The following SCN10A variants were observed in gnomAD, a reference collection of about 807,000 sequenced individuals.
SCN10A encodes sodium voltage-gated channel alpha subunit 10.
SCN10A carries 162 observed loss-of-function variants against 170.7 expected under a neutral mutation model. The observed-to-expected ratio is 0.95, with a 90% CI of 0.84 to 1.08. The LOEUF (loss-of-function observed/expected upper bound fraction) is 1.08. SCN10A is among the 50% of genes least tolerant of loss of function. The probability of loss-of-function intolerance (pLI) is 0.00; values close to 1 mark genes in which losing one functional copy is unlikely to be tolerated. For missense variants in SCN10A, 2,527 were observed against 2,436.9 expected, an observed-to-expected ratio of 1.04 and a Z score of -0.78; for synonymous variants, 985 against 904.6, an observed-to-expected ratio of 1.09 and a Z score of -1.59.
rs151153639 is a variant in SCN10A at position 38,755,796 on chromosome 3, G to A, written c.1453C>T (p.Arg485Cys). ...AAACCTGAGCCTCTTACCATCCTGC[G>A]CTGGTTGTAAGGATCAGAGCGGGGT... is the stretch of plus-strand genomic sequence containing the variant. ...KSPRSDPYNQ[R>C]RMSFLGLASG... The change falls in exon 11 of 28, where the codon CGC (arginine) becomes TGC (cysteine). Residue 485 changes from arginine (R) to cysteine (C), a missense_variant. Arg to Cys is a radical substitution (Grantham distance 180). Transcript: ENST00000449082. 567 of 1,613,580 alleles carry A rather than the reference G, an allele frequency of 3.5e-4. 3 individuals are homozygous for A. In the African/African-American group the frequency reaches 7.0e-3, roughly 20 times the overall value.
rs139073590 is a variant in SCN10A, at chr3:38,712,197, A to G, written c.4053T>C (p.Asp1351=). ...FFWVNVKVNF[D]NVAMGYLALL... is the part of the protein sequence containing the mutation. ...GTGCAAGGTAACCCATTGCAACATTATCAAAGTTGACTTTCACATTGACCC... is the reference window on the plus strand; with the variant it reads ...GTGCAAGGTAACCCATTGCAACATTGTCAAAGTTGACTTTCACATTGACCC... Residue 1351 remains aspartate (D), a synonymous_variant, in exon 23 of 28, where the codon GAT becomes GAC. Coordinates refer to ENST00000449082, the MANE Select transcript of SCN10A (RefSeq NM_006514.4). 87 of 1,614,228 alleles carry G rather than the reference A, an allele frequency of 5.4e-5. No homozygotes were observed. In the African/African-American group the frequency reaches 9.5e-4, roughly 18 times the overall value.
chr3:38,739,660 A>G lies in SCN10A; in HGVS notation c.2135T>C (p.Met712Thr), dbSNP rs759342224. Reference sequence around the variant, plus strand: ...GTCGAAGGCAATGATTTTGAAGACCATTTCAGCAGTAAAAAATATGGTAAA... The same window carrying G: ...GTCGAAGGCAATGATTTTGAAGACCGTTTCAGCAGTAAAAAATATGGTAAA... Reference protein sequence around the residue: ...IVFTIFFTAEMVFKIIAFDPY... With the variant: ...IVFTIFFTAETVFKIIAFDPY... Residue 712 changes from methionine (M) to threonine (T), a missense_variant, in exon 15 of 28, where the codon ATG (methionine) becomes ACG (threonine). Physicochemically the swap from Met to Thr is moderately conservative, Grantham distance 81. Transcript: ENST00000449082. 2 of 1,614,156 alleles carry G rather than the reference A, an allele frequency of 1.2e-6. No homozygotes were observed. Among genetic ancestry groups the G allele is most frequent in the African/African-American group, 2.7e-5 (2 of 75,054 alleles).
rs1232613333 is a variant in SCN10A, at chr3:38,734,073, G to A, written c.2281-5172C>T. On this transcript the variant is annotated intron_variant, in intron 15 of 27. Transcript: ENST00000449082. ...GTCTCGCTCTGTTGCCCAGGCTGGAGTGCAGTGGCATGATCTCAGCTCACT... is the reference window on the plus strand; with the variant it reads ...GTCTCGCTCTGTTGCCCAGGCTGGAATGCAGTGGCATGATCTCAGCTCACT... Among the ~76,000 whole-genome samples the A allele has an allele frequency of 5.9e-5, 9 of 152,212 alleles. No individual in the cohort carries two copies. The East Asian group carries it at 1.5e-3, about 26-fold the overall frequency.
chr3:38,760,775 A>G, intron 7 of SCN10A, 28 bp from the exon 8 acceptor site: 1 of 1,590,478 alleles, frequency 6.3e-7, no homozygotes, highest in South Asian at 1.1e-5. Context: ...AGAAAGCCTC[A>G]CAGATGGTTC....
intron 5 of SCN10A, among the ~76,000 whole-genome samples, chr3:38,768,870 C>G (rs868720695): frequency 1.3e-5 from 2 of 152,138 alleles, no homozygotes; most frequent in African/African-American, 2.4e-5. Flanking sequence ...GATTTCTATT[C>G]TTCCTTGGGA....
intron 16 of SCN10A, among the ~76,000 whole-genome samples, chr3:38,727,562 C>T (rs1266542373): frequency 1.3e-5 from 2 of 152,188 alleles, no homozygotes; most frequent in Non-Finnish European, 1.5e-5. Context: ...ATGGTGGGCT[C>T]AGCCTGGAAG....
intron 25 of SCN10A, 36 bp downstream of exon 25, chr3:38,709,442 T>G: frequency 6.3e-7 from 1 of 1,582,940 alleles, no homozygotes; most frequent in Non-Finnish European, 8.6e-7. Flanking sequence ...GGCTTACCAC[T>G]ACAGCAGAAA....
At chr3:38,777,035 AG>A (rs2064084268) in intron 4 of SCN10A, among the ~76,000 whole-genome samples, 1 of 152,104 alleles carries the variant, frequency 6.6e-6, no homozygotes, top group Non-Finnish European at 1.5e-5. Context: ...TGATATAAAA[AG>A]TAATTATGAG....
At chr3:38,716,702 C>G (rs2063337632) in intron 21 of SCN10A, among the ~76,000 whole-genome samples, 1 of 151,730 alleles carries the variant, frequency 6.6e-6, no homozygotes, top group Non-Finnish European at 1.5e-5. Flanking sequence ...ATGGGAGAAA[C>G]AAACAAGAAA....
At chr3:38,759,720 T>A (rs900574723) in intron 8 of SCN10A, among the ~76,000 whole-genome samples, 1 of 152,156 alleles carries the variant, frequency 6.6e-6, no homozygotes, top group Non-Finnish European at 1.5e-5. Context: ...AAATTTCCTA[T>A]CTCTATTTTA....
intron 24 of SCN10A, 25 bp downstream of exon 24, chr3:38,710,819 G>A (rs1460537748): frequency 2.5e-6 from 4 of 1,607,964 alleles, no homozygotes; most frequent in African/African-American, 2.7e-5. Context: ...GGGGAAGGCT[G>A]TAGGGACAGT....
chr3:38,764,635 G>C (rs1370709263), intron 5 of SCN10A, among the ~76,000 whole-genome samples: 2 of 152,152 alleles, frequency 1.3e-5, no homozygotes, highest in Non-Finnish European at 2.9e-5. Flanking sequence ...CATTTAGGCT[G>C]GTTCCATATT....
chr3:38,742,574 C>T (rs777264933), intron 13 of SCN10A, 45 bp from the exon 14 acceptor site: 10 of 1,476,058 alleles, frequency 6.8e-6, no homozygotes, highest in Admixed American at 5.0e-5. Flanking sequence ...CATGTGTCAC[C>T]TTGGACCCCA....
chr3:38,724,726 G>A (rs998091884), intron 18 of SCN10A, among the ~76,000 whole-genome samples: 3 of 152,174 alleles, frequency 2.0e-5, no homozygotes, highest in South Asian at 2.1e-4. Context: ...GTTGTCTTTC[G>A]TTTCCTTTTT....
chr3:38,806,807 C>A (rs1419787114), intron 1 of SCN10A, among the ~76,000 whole-genome samples: 2 of 122,798 alleles, frequency 1.6e-5, no homozygotes, highest in Non-Finnish European at 3.3e-5. Context: ...CATGTGAGAT[C>A]ATTTGCAATT....
chr3:38,772,566 G>T (rs981434163), intron 4 of SCN10A, among the ~76,000 whole-genome samples: 8 of 152,088 alleles, frequency 5.3e-5, no homozygotes, highest in Non-Finnish European at 2.9e-5. Context: ...GCGGGCACCT[G>T]TAGTTCCAGC....
intron 13 of SCN10A, among the ~76,000 whole-genome samples, chr3:38,746,251 C>T (rs1559439712): frequency 6.6e-6 from 1 of 151,470 alleles, no homozygotes; most frequent in East Asian, 1.9e-4. Context: ...TTAAAGCCCC[C>T]TTCTTCCCCT....
chr3:38,720,055 G>C (rs1311474519), intron 20 of SCN10A, among the ~76,000 whole-genome samples: 1 of 152,230 alleles, frequency 6.6e-6, no homozygotes, highest in Admixed American at 6.5e-5. Context: ...CCTCAAGGTG[G>C]GACAGCTCTT....
chr3:38,737,399 A>G (rs1339431221), intron 15 of SCN10A, among the ~76,000 whole-genome samples: 1 of 152,182 alleles, frequency 6.6e-6, no homozygotes, highest in East Asian at 1.9e-4. Context: ...CTTGACATCA[A>G]TTTCTAGATA....
Sources: allele counts gnomAD v4.1 joint callset (sites outside exome capture counted in the v4.1 genomes callset), GRCh38; gene constraint gnomAD v4.1.1; transcripts MANE v1.5; gene names NCBI Gene and HGNC (gene_info 2026-07-23, HGNC 2026-07-21).